LRFN2: variants seen among roughly 807,000 people sequenced by gnomAD.
LRFN2 encodes the protein leucine rich repeat and fibronectin type III domain containing 2, also known as leucine-rich repeat and fibronectin type-III domain-containing protein 2.
LRFN2 carries 18 observed loss-of-function variants against 37.3 expected under a neutral mutation model. The ratio of observed to expected loss-of-function variants is 0.48; its 90% confidence interval spans 0.33 to 0.72. LRFN2 has a LOEUF of 0.72. LRFN2 is among the 30% of genes least tolerant of loss of function. LRFN2 has a pLI of 0.02. For missense variants in LRFN2, 1,006 were observed against 1,060.7 expected (o/e 0.95, Z 0.72); for synonymous variants, 556 against 466.6 (o/e 1.19, Z -2.47).
intron 1 of LRFN2, among the ~76,000 whole-genome samples, chr6:40,509,311 G>A (rs1765629271): frequency 6.6e-6 from 1 of 152,256 alleles, no homozygotes; most frequent in Admixed American, 6.5e-5. Context: ...CATGGGCTCT[G>A]TGTCTAGCAA....
intron 1 of LRFN2, among the ~76,000 whole-genome samples, chr6:40,524,447 ACT>A (rs2113904552): frequency 7.4e-6 from 1 of 135,670 alleles, no homozygotes; most frequent in East Asian, 2.3e-4. Context: ...ACACTCTCTC[ACT>A]CACACACACA....
chr6:40,470,608 C>CA (rs35631332), intron 1 of LRFN2, among the ~76,000 whole-genome samples: 10,491 of 133,102 alleles, frequency 0.079, 427 homozygotes, highest in Middle Eastern at 0.15. Context: ...GACTCTGTCT[C>CA]AAAAAAAAAA....
chr6:40,534,938 A>AAGCTGGAACC (rs1303973982), intron 1 of LRFN2, among the ~76,000 whole-genome samples: 1 of 152,200 alleles, frequency 6.6e-6, no homozygotes, highest in Non-Finnish European at 1.5e-5. Context: ...GAGGCTCAGA[A>AAGCTGGAACC]AGCTGGAACC....
At chr6:40,568,276 T>C (rs1309174632) in intron 1 of LRFN2, among the ~76,000 whole-genome samples, 1 of 152,182 alleles carries the variant, frequency 6.6e-6, no homozygotes, top group Non-Finnish European at 1.5e-5. Context: ...TGGACTGTGG[T>C]GTCTGCCCTG....
At chr6:40,397,418 G>A (rs753739513) in intron 2 of LRFN2, among the ~76,000 whole-genome samples, 3 of 152,212 alleles carry the variant, frequency 2.0e-5, no homozygotes, top group Admixed American at 1.3e-4. Flanking sequence ...CCCTGAAAGT[G>A]CATTCTCAGC....
At chr6:40,444,902 ATT>A (rs56080657) in intron 1 of LRFN2, among the ~76,000 whole-genome samples, 9 of 148,752 alleles carry the variant, frequency 6.1e-5, no homozygotes, top group African/African-American at 1.5e-4. Context: ...CTTCTTCATG[ATT>A]TTTTTTTTTA....
intron 2 of LRFN2, among the ~76,000 whole-genome samples, chr6:40,395,103 C>T (rs894331618): frequency 2.6e-5 from 4 of 152,070 alleles, no homozygotes; most frequent in Admixed American, 6.5e-5. Flanking sequence ...AGCAAGGACC[C>T]TGCAGCCAGC....
intron 1 of LRFN2, among the ~76,000 whole-genome samples, chr6:40,487,325 C>T (rs1256455821): frequency 6.6e-6 from 1 of 152,176 alleles, no homozygotes; most frequent in South Asian, 2.1e-4. Flanking sequence ...AGTTCATGCC[C>T]TCAGCCCTGG....
intron 1 of LRFN2, among the ~76,000 whole-genome samples, chr6:40,502,801 C>T (rs1328136647): frequency 6.6e-6 from 1 of 152,218 alleles, no homozygotes; most frequent in African/African-American, 2.4e-5. Context: ...TGGCACCTGC[C>T]CCCATACAGC....
chr6:40,409,951 C>G (rs942206556), intron 2 of LRFN2, among the ~76,000 whole-genome samples: 2 of 152,310 alleles, frequency 1.3e-5, no homozygotes, highest in African/African-American at 4.8e-5. Flanking sequence ...GGAGCCCACT[C>G]AGCACTTCGC....
intron 1 of LRFN2, among the ~76,000 whole-genome samples, chr6:40,570,733 G>A (rs533895659): frequency 2.6e-5 from 4 of 152,324 alleles, no homozygotes; most frequent in East Asian, 3.9e-4. Context: ...TCTGAAGGAC[G>A]AGTAGTGTCC....
At chr6:40,394,410 A>C (rs1019199063) in intron 2 of LRFN2, among the ~76,000 whole-genome samples, 1 of 152,134 alleles carries the variant, frequency 6.6e-6, no homozygotes, top group African/African-American at 2.4e-5. Flanking sequence ...AAAGGGCTCT[A>C]TCAGTTCCCA....
At chr6:40,413,864 G>A (rs1293480995) in intron 2 of LRFN2, among the ~76,000 whole-genome samples, 1 of 152,102 alleles carries the variant, frequency 6.6e-6, no homozygotes, top group Admixed American at 6.5e-5. Context: ...GGATGGGTGG[G>A]TCTGGTTCAG....
At chr6:40,555,071 G>A (rs6458161) in intron 1 of LRFN2, among the ~76,000 whole-genome samples, 72,085 of 152,034 alleles carry the variant, frequency 0.47, 18,114 homozygotes, top group African/African-American at 0.64. Flanking sequence ...CCCTGAGTCT[G>A]ACCTCTTTTC....
intron 1 of LRFN2, among the ~76,000 whole-genome samples, chr6:40,550,907 T>C (rs914946264): frequency 1.3e-5 from 2 of 152,142 alleles, no homozygotes; most frequent in Non-Finnish European, 2.9e-5. Flanking sequence ...GTATATCATA[T>C]GTAGATGGAG....
intron 1 of LRFN2, among the ~76,000 whole-genome samples, chr6:40,438,025 C>G (rs1208213694): frequency 6.6e-6 from 1 of 152,146 alleles, no homozygotes; most frequent in Non-Finnish European, 1.5e-5. Context: ...GTGTGGGGAT[C>G]AGAAGCGAGG....
At chr6:40,564,255 A>G (rs1031539669) in intron 1 of LRFN2, among the ~76,000 whole-genome samples, 1 of 152,172 alleles carries the variant, frequency 6.6e-6, no homozygotes, top group Non-Finnish European at 1.5e-5. Context: ...AGCTTACAAT[A>G]TATACCTTTT....
intron 1 of LRFN2, among the ~76,000 whole-genome samples, chr6:40,500,950 AC>A (rs1219148242): frequency 1.6e-5 from 2 of 122,422 alleles, no homozygotes; most frequent in Non-Finnish European, 3.5e-5. Flanking sequence ...GTGTTTTTTC[AC>A]TTTTTTTTTT....
chr6:40,546,259 G>C (rs965110653), intron 1 of LRFN2, among the ~76,000 whole-genome samples: 1 of 152,186 alleles, frequency 6.6e-6, no homozygotes, highest in Admixed American at 6.5e-5. Flanking sequence ...ATGCAGCTGA[G>C]GATGCAGCTC....
Sources: gnomAD v4.1 joint callset for allele counts (sites outside exome capture counted in the v4.1 genomes callset) on GRCh38, gnomAD v4.1.1 for gene constraint, MANE v1.5 for transcripts, NCBI Gene and HGNC (gene_info 2026-07-23, HGNC 2026-07-21) for gene names.